LYPLA1: variants seen among roughly 807,000 people sequenced by gnomAD.
LYPLA1 encodes lysophospholipase 1.
Under a neutral mutation model 34.0 loss-of-function variants are expected in LYPLA1, and 17 were observed. That is an observed-to-expected ratio of 0.50 (90% confidence interval 0.34 to 0.75). LYPLA1 has a LOEUF of 0.75. Ranked by LOEUF, LYPLA1 falls within the 30% of genes least tolerant of loss-of-function variation. The probability of loss-of-function intolerance (pLI) is 0.01; values close to 1 mark genes in which losing one functional copy is unlikely to be tolerated. For missense variants in LYPLA1, 203 were observed against 288.8 expected, an observed-to-expected ratio of 0.70 and a Z score of 2.15; for synonymous variants, 98 against 100.8, an observed-to-expected ratio of 0.97 and a Z score of 0.17.
In LYPLA1 at chr8:54,057,080, T is replaced by A. The variant is rs139131072; in HGVS notation, c.287-1947A>T. 5.3e-4 allele frequency among the ~76,000 whole-genome samples: 80 copies of A among 152,218 alleles called. 1 individual carries two copies. The East Asian group carries it at 0.015, about 28-fold the overall frequency. On this transcript the variant is annotated intron_variant, in intron 5 of 8. Transcript: ENST00000316963. ...TATCGTCTCACCCCAGTTAAAATGG[T>A]TTTTATTCAAAAGACAGTTAATAGC...
rs571833842 is a variant in LYPLA1 at position 54,062,834 on chromosome 8, C to A, written c.215+494G>T. Among the ~76,000 whole-genome samples, 7 of 152,148 alleles carry A rather than the reference C, an allele frequency of 4.6e-5. No homozygotes were observed. In the South Asian group the frequency reaches 1.2e-3, roughly 27 times the overall value. ...GCTAAAGTCATCGTTTTTTAACAGACCTGATGTTAGGAGTCTCAGAGAACA... is the reference window on the plus strand; with the variant it reads ...GCTAAAGTCATCGTTTTTTAACAGAACTGATGTTAGGAGTCTCAGAGAACA... On this transcript the variant is annotated intron_variant, in intron 4 of 8. Transcript: ENST00000316963.
At chr8:54,061,575 A>G (rs1019945203) in intron 5 of LYPLA1, among the ~76,000 whole-genome samples, 12 of 152,184 alleles carry the variant, frequency 7.9e-5, no homozygotes, top group African/African-American at 2.7e-4. Flanking sequence ...AGAAAGGAAA[A>G]CAAGCCTGGG....
At chr8:54,085,882 G>T (rs558853324) in intron 2 of LYPLA1, among the ~76,000 whole-genome samples, 8 of 151,806 alleles carry the variant, frequency 5.3e-5, no homozygotes, top group Non-Finnish European at 8.8e-5. Context: ...CAGCCGCCCC[G>T]TCTGGGAAGT....
intron 2 of LYPLA1, among the ~76,000 whole-genome samples, chr8:54,097,041 T>C (rs550779699): frequency 2.9e-4 from 44 of 152,148 alleles, no homozygotes; most frequent in African/African-American, 9.2e-4. Context: ...AAAATCACAC[T>C]GTAGAAATGA....
chr8:54,044,903 T>C (rs1805442399), downstream of LYPLA1: 1 of 152,248 alleles, frequency 6.6e-6, no homozygotes, highest in Non-Finnish European at 1.5e-5. Context: ...GAGATTGTAC[T>C]TTATGGTGAG....
downstream of LYPLA1, among the ~76,000 whole-genome samples, chr8:54,046,197 GAATA>G (rs1805479378): frequency 1.3e-5 from 2 of 152,184 alleles, no homozygotes; most frequent in South Asian, 4.1e-4. Context: ...AATTAAAACT[GAATA>G]ACATGAGATT....
chr8:54,085,295 T>C (rs918870197), intron 2 of LYPLA1, among the ~76,000 whole-genome samples: 2 of 152,234 alleles, frequency 1.3e-5, no homozygotes, highest in African/African-American at 2.4e-5. Context: ...GTGCTCAATG[T>C]TGCCCAGGCT....
chr8:54,051,918 G>T (rs951449042), intron 7 of LYPLA1, among the ~76,000 whole-genome samples: 1 of 149,172 alleles, frequency 6.7e-6, no homozygotes, highest in Admixed American at 6.8e-5. Context: ...TGGCACAATC[G>T]TGGCTCACTG....
chr8:54,066,274 A>T (rs752538518), intron 2 of LYPLA1, among the ~76,000 whole-genome samples: 5 of 152,104 alleles, frequency 3.3e-5, no homozygotes, highest in Non-Finnish European at 7.4e-5. Flanking sequence ...CAATACTATT[A>T]AAACAACACC....
chr8:54,073,569 A>C, intron 2 of LYPLA1: 2 of 603,138 alleles, frequency 3.3e-6, no homozygotes. Flanking sequence ...GTTACTATTA[A>C]TCGACACTGA....
rs893939839 is a variant in LYPLA1, at chr8:54,101,929, C to T, written c.-106G>A. On this transcript the variant is annotated 5_prime_UTR_variant, in exon 1 of 9. Transcript: ENST00000316963. The stretch of plus-strand genomic sequence containing the variant: ...CGGCCGGCCCCACCGGGCGCACGCT[C>T]AGGCGCGTGCGCGCCAACGCGGCCC... The T allele has an allele frequency of 1.0e-4, 53 of 530,556 alleles. No homozygotes were observed. The Admixed American group carries it at 2.6e-3, about 26-fold the overall frequency. The allele number at this position is 530,556 out of a possible 1,614,324, so 32.9% of individuals were successfully genotyped here.
At chr8:54,098,109 G>A (rs1809827553) in intron 2 of LYPLA1, among the ~76,000 whole-genome samples, 1 of 152,050 alleles carries the variant, frequency 6.6e-6, no homozygotes, top group Non-Finnish European at 1.5e-5. Flanking sequence ...TGTAGTCCCA[G>A]CTACTCAGGA....
intron 2 of LYPLA1, among the ~76,000 whole-genome samples, chr8:54,092,210 G>A (rs959868610): frequency 1.3e-5 from 2 of 150,688 alleles, no homozygotes; most frequent in Non-Finnish European, 3.0e-5. Context: ...GAGAAAGACG[G>A]AAGAGAAGGA....
At chr8:54,062,363 T>G in intron 4 of LYPLA1, 39 bp from the exon 5 acceptor site, 1 of 1,337,224 alleles carries the variant, frequency 7.5e-7, no homozygotes, top group Non-Finnish European at 1.1e-6. Context: ...CTAAGAAAAA[T>G]CTATTATTGT....
chr8:54,065,878 G>C, intron 2 of LYPLA1, 65 bp from the exon 3 acceptor site: 2 of 990,172 alleles, frequency 2.0e-6, no homozygotes, highest in East Asian at 4.8e-5. Flanking sequence ...GTAAGTAGCA[G>C]AAGAGTAGCT....
chr8:54,064,751 A>T (rs1201774553), intron 3 of LYPLA1, among the ~76,000 whole-genome samples: 3 of 152,222 alleles, frequency 2.0e-5, no homozygotes, highest in Non-Finnish European at 4.4e-5. Flanking sequence ...AAGGGTGTCC[A>T]ATCATTTGGT....
intron 6 of LYPLA1, chr8:54,053,020 G>A (rs776774981): frequency 1.1e-5 from 4 of 367,516 alleles, no homozygotes; most frequent in South Asian, 9.4e-5. Context: ...CATGCCTTAC[G>A]AATATTCTGA....
At chr8:54,090,770 C>CA (rs1182657462) in intron 2 of LYPLA1, among the ~76,000 whole-genome samples, 2 of 152,212 alleles carry the variant, frequency 1.3e-5, no homozygotes, top group Non-Finnish European at 2.9e-5. Flanking sequence ...CCAGATCCCA[C>CA]AATACCCATG....
At chr8:54,083,998 T>C (rs1163254291) in intron 2 of LYPLA1, among the ~76,000 whole-genome samples, 1 of 151,362 alleles carries the variant, frequency 6.6e-6, no homozygotes, top group Non-Finnish European at 1.5e-5. Flanking sequence ...ACTAGCCCGG[T>C]GTGGCAGTGA....
Sources: allele counts gnomAD v4.1 joint callset (sites outside exome capture counted in the v4.1 genomes callset), GRCh38; gene constraint gnomAD v4.1.1; transcripts MANE v1.5; gene names NCBI Gene and HGNC (gene_info 2026-07-23, HGNC 2026-07-21).